LRCH3: variants seen among roughly 807,000 people sequenced by gnomAD.
The protein encoded by LRCH3 is DISP complex protein LRCH3.
LRCH3 carries 68 observed loss-of-function variants against 104.5 expected under a neutral mutation model. The observed-to-expected ratio is 0.65, with a 90% CI of 0.54 to 0.80. The LOEUF is 0.80. LRCH3 is among the 30% of genes least tolerant of loss of function. The probability of loss-of-function intolerance (pLI) is 0.00; values close to 1 mark genes in which losing one functional copy is unlikely to be tolerated. For synonymous variants in LRCH3, 344 were observed against 361.3 expected, an observed-to-expected ratio of 0.95 and a Z score of 0.54; for missense variants, 951 against 953.9, an observed-to-expected ratio of 1.00 and a Z score of 0.04.
intron 15 of LRCH3, among the ~76,000 whole-genome samples, chr3:197,860,886 C>T (rs1179387562): frequency 6.6e-6 from 1 of 151,824 alleles, no homozygotes; most frequent in Non-Finnish European, 1.5e-5. Context: ...CATTTCCTTC[C>T]CCCACCCTCC....
At chr3:197,830,928 G>C (rs1017965396) in intron 7 of LRCH3, 65 bp downstream of exon 7, 1 of 1,355,272 alleles carries the variant, frequency 7.4e-7, no homozygotes, top group African/African-American at 1.4e-5. Context: ...TGATGAAAAT[G>C]AAAAGCGTCT....
chr3:197,857,993 G>A (rs1332410630), intron 14 of LRCH3, among the ~76,000 whole-genome samples: 3 of 151,944 alleles, frequency 2.0e-5, no homozygotes, highest in African/African-American at 7.3e-5. Context: ...GAAATTTATG[G>A]TCCTAGTTTA....
intron 3 of LRCH3, among the ~76,000 whole-genome samples, chr3:197,818,422 T>G (rs1734102135): frequency 6.6e-6 from 1 of 152,166 alleles, no homozygotes; most frequent in Admixed American, 6.6e-5. Flanking sequence ...TTCGTGTAGG[T>G]TTATTAACAA....
chr3:197,875,653 G>C lies in LRCH3; in HGVS notation c.2131-45G>C. Reference sequence around the variant, plus strand: ...TGGGTGGCAGTGAGACCCTGTCCCAGAAACAAAACTTCTCTAGTAACACAT... The same window carrying C: ...TGGGTGGCAGTGAGACCCTGTCCCACAAACAAAACTTCTCTAGTAACACAT... On this transcript the variant is annotated intron_variant, in intron 19 of 20. Coordinates refer to ENST00000425562, the MANE Select transcript of LRCH3 (RefSeq NM_001365715.1). The C allele has an allele frequency of 4.8e-6, 7 of 1,457,204 alleles. No individual in the cohort carries two copies. In the South Asian group the frequency reaches 8.5e-5, roughly 18 times the overall value. 90.3% of individuals were successfully genotyped at this position (1,457,204 alleles called of 1,614,324 possible).
At position 197,887,491 on chromosome 3, in the gene LRCH3, G is replaced by A. The variant is rs1429268986; in HGVS notation, c.*3825G>A. On this transcript the variant is annotated 3_prime_UTR_variant, in exon 21 of 21. Transcript: ENST00000425562. ...CTTCCCATCACTGACAGTGTTGGGG[G>A]CTGAGAGCCCCCCAGCAGAGCCCTT... 7.3e-6 allele frequency: 1 copy of A among 137,054 alleles called. No individual in the cohort carries two copies. Among genetic ancestry groups the A allele is most frequent in the Non-Finnish European group, 1.6e-5 (1 of 63,984 alleles). 8.5% of individuals were successfully genotyped at this position (137,054 alleles called of 1,614,324 possible).
At chr3:197,803,519 G>T (rs1465602796) in intron 1 of LRCH3, among the ~76,000 whole-genome samples, 1 of 152,190 alleles carries the variant, frequency 6.6e-6, no homozygotes, top group Non-Finnish European at 1.5e-5. Flanking sequence ...TGCTACTTTA[G>T]CCAGGTGTGG....
At chr3:197,828,354 A>AT (rs1439883591) in intron 5 of LRCH3, among the ~76,000 whole-genome samples, 1 of 151,270 alleles carries the variant, frequency 6.6e-6, no homozygotes, top group African/African-American at 2.4e-5. Flanking sequence ...TTATTTTTTT[A>AT]TTTTTTTGTG....
chr3:197,871,331 G>C lies in LRCH3; in HGVS notation c.1999G>C (p.Glu667Gln). Reference sequence around the variant, plus strand: ...ATGTTTTTTGTTCTTTCAGCATATTGAGTACCGGTTGAAAGTGTCTCTACC... The same window carrying C: ...ATGTTTTTTGTTCTTTCAGCATATTCAGTACCGGTTGAAAGTGTCTCTACC... ...ELIDQLRKHIEYRLKVSLPCD... is the reference protein window; with the variant it reads ...ELIDQLRKHIQYRLKVSLPCD... The change falls in exon 19 of 21, where the codon GAG becomes CAG. Residue 667 changes from glutamate to glutamine, a missense_variant. Transcript: ENST00000425562. The C allele has an allele frequency of 1.2e-6, 2 of 1,612,040 alleles. No individual in the cohort carries two copies. Among genetic ancestry groups the C allele is most frequent in the South Asian group, 2.2e-5 (2 of 90,900 alleles).
intron 1 of LRCH3, among the ~76,000 whole-genome samples, chr3:197,792,577 T>TTATTTATATATATATATA (rs1352243221): frequency 4.9e-5 from 1 of 20,330 alleles, no homozygotes; most frequent in African/African-American, 1.2e-4. Flanking sequence ...CCAGCTAATT[T>TTATTTATATATATATATA]TATATATATA....
At position 197,791,268 on chromosome 3, in the gene LRCH3, T is replaced by A; in HGVS notation, c.-11T>A. On this transcript the variant is annotated 5_prime_UTR_variant, in exon 1 of 21. Transcript: ENST00000425562. ...GCTGAGCTGGCGGGCCCGAGTGTTGTCGGCTGGGAAATGGCGGCCGCGGGC... is the reference window on the plus strand; with the variant it reads ...GCTGAGCTGGCGGGCCCGAGTGTTGACGGCTGGGAAATGGCGGCCGCGGGC... 6.2e-7 allele frequency: 1 copy of A among 1,608,306 alleles called. No homozygotes were observed. Among genetic ancestry groups the A allele is most frequent in the Non-Finnish European group, 8.5e-7 (1 of 1,178,526 alleles).
intron 1 of LRCH3, among the ~76,000 whole-genome samples, chr3:197,794,438 G>C (rs191837861): frequency 1.3e-5 from 2 of 152,166 alleles, no homozygotes; most frequent in South Asian, 4.1e-4. Context: ...TTTATGGCAG[G>C]TACTTTGATT....
At chr3:197,848,333 C>T (rs749076202) in intron 12 of LRCH3, 14 of 213,034 alleles carry the variant, frequency 6.6e-5, no homozygotes, top group African/African-American at 2.1e-4. Flanking sequence ...ATAAAAGGCC[C>T]GTGCAGATGC....
At position 197,871,515 on chromosome 3, in the gene LRCH3, A is replaced by G. The variant is rs74857069; in HGVS notation, c.2130+53A>G. 1.1e-3 allele frequency: 1,732 copies of G among 1,601,306 alleles called. 7 individuals carry two copies. Among genetic ancestry groups the G allele is most frequent in the Middle Eastern group, 9.2e-3 (55 of 6,010 alleles). On this transcript the variant is annotated intron_variant, in intron 19 of 20. Transcript: ENST00000425562. ...GCTATTCATCAGACATTTGTTAAGC[A>G]CAGTGGACAGACATTTCTTAAGCAT...
rs1405831042 is a variant in LRCH3, at chr3:197,861,649, C to T, written c.1716+2744C>T. 4.6e-5 allele frequency among the ~76,000 whole-genome samples: 7 copies of T among 152,104 alleles called. No individual in the cohort carries two copies. The East Asian group carries it at 1.3e-3, about 29-fold the overall frequency. The stretch of plus-strand genomic sequence containing the variant: ...TTTTTTAGTATCTCTATTACTTTCA[C>T]AGCAATTATACATTATACTTATGAA... On this transcript the variant is annotated intron_variant, in intron 15 of 20. Coordinates refer to ENST00000425562, the MANE Select transcript of LRCH3 (RefSeq NM_001365715.1).
intron 14 of LRCH3, 164 bp from the exon 15 acceptor site, chr3:197,858,670 G>C (rs1295624131): frequency 1.2e-5 from 8 of 640,986 alleles, no homozygotes; most frequent in Non-Finnish European, 2.0e-5. Context: ...ATGGGTTTTT[G>C]TCCCCCAAAT....
At chr3:197,878,630 A>G (rs1713186975) in intron 20 of LRCH3, among the ~76,000 whole-genome samples, 1 of 152,144 alleles carries the variant, frequency 6.6e-6, no homozygotes, top group Non-Finnish European at 1.5e-5. Flanking sequence ...AACCACTGCC[A>G]GTTTTACACG....
intron 15 of LRCH3, among the ~76,000 whole-genome samples, chr3:197,861,206 C>T (rs1740842275): frequency 6.6e-6 from 1 of 152,208 alleles, no homozygotes; most frequent in South Asian, 2.1e-4. Context: ...GCATGCCCTA[C>T]ATACCTGGAT....
At chr3:197,845,761 C>T (rs188285247) in intron 10 of LRCH3, among the ~76,000 whole-genome samples, 217 of 152,094 alleles carry the variant, frequency 1.4e-3, no homozygotes, top group Non-Finnish European at 1.3e-3. Flanking sequence ...AAAAATTAGC[C>T]GAGTGTGGTG....
rs145112947 is a variant in LRCH3 at position 197,795,435 on chromosome 3, T to G, written c.262+3895T>G. On this transcript the variant is annotated intron_variant, in intron 1 of 20. Transcript: ENST00000425562. ...GGGCCCATTTTGCAATCAGCACACA[T>G]GAGTAACTGAATTTTTTGTTGAACT... 1.4e-3 allele frequency among the ~76,000 whole-genome samples: 214 copies of G among 152,172 alleles called. 3 individuals are homozygous for G. In the Middle Eastern group the frequency reaches 0.031, roughly 22 times the overall value.
Sources: gnomAD v4.1 joint callset for allele counts (sites outside exome capture counted in the v4.1 genomes callset) on GRCh38, gnomAD v4.1.1 for gene constraint, MANE v1.5 for transcripts, NCBI Gene and HGNC (gene_info 2026-07-23, HGNC 2026-07-21) for gene names.